Variants in GRID2 observed in about 807,000 individuals in gnomAD.
GRID2 encodes glutamate receptor ionotropic, delta-2.
Under a neutral mutation model 114.8 loss-of-function variants are expected in GRID2, and 33 were observed. The observed-to-expected ratio is 0.29, with a 90% confidence interval of 0.22 to 0.38. The LOEUF is 0.38. Among genes scored for constraint, GRID2 ranks in the 10% least tolerant of loss-of-function variants. The pLI is 1.00. For synonymous variants in GRID2, 505 were observed against 449.9 expected (o/e 1.12, Z -1.55); for missense variants, 1,184 against 1,257.7 (o/e 0.94, Z 0.89).
chr4:93,244,711 G>A (rs911892054), intron 8 of GRID2, among the ~76,000 whole-genome samples: 6 of 149,496 alleles, frequency 4.0e-5, no homozygotes, highest in Admixed American at 1.3e-4. Context: ...AATTTTTAAT[G>A]GACTAAAATC....
At chr4:93,354,671 CGTGTGTGTGTGTGTGTGT>C (rs35452796) in intron 8 of GRID2, among the ~76,000 whole-genome samples, 11 of 130,288 alleles carry the variant, frequency 8.4e-5, no homozygotes, top group Admixed American at 4.0e-4. Context: ...GTGGCTCATC[CGTGTGTGTGTGTGTGTGT>C]GTGTGTGTGT....
chr4:93,284,781 T>C (rs2149133215), intron 8 of GRID2, among the ~76,000 whole-genome samples: 1 of 145,482 alleles, frequency 6.9e-6, no homozygotes, highest in East Asian at 2.0e-4. Context: ...AACAATACAG[T>C]TAGAATAATA....
intron 1 of GRID2, among the ~76,000 whole-genome samples, chr4:92,344,067 A>G (rs1217782407): frequency 6.6e-6 from 1 of 152,196 alleles, no homozygotes; most frequent in African/African-American, 2.4e-5. Flanking sequence ...GAGGTATAAG[A>G]AAATCTGCAT....
At chr4:93,634,657 G>T (rs1485652030) in intron 14 of GRID2, among the ~76,000 whole-genome samples, 1 of 152,098 alleles carries the variant, frequency 6.6e-6, no homozygotes, top group Non-Finnish European at 1.5e-5. Context: ...TCTGAGAAGA[G>T]AAATATCTGT....
intron 8 of GRID2, among the ~76,000 whole-genome samples, chr4:93,282,588 A>G (rs982978002): frequency 1.3e-5 from 2 of 152,040 alleles, no homozygotes; most frequent in Non-Finnish European, 2.9e-5. Flanking sequence ...CAGAGTCTTC[A>G]TGAACTAATT....
intron 8 of GRID2, among the ~76,000 whole-genome samples, chr4:93,335,039 T>C (rs1758899637): frequency 7.3e-6 from 1 of 136,600 alleles, no homozygotes; most frequent in African/African-American, 2.7e-5. Flanking sequence ...ACTAATTTAA[T>C]TGGTGATAGC....
At chr4:93,160,162 G>GA (rs1406059704) in intron 4 of GRID2, among the ~76,000 whole-genome samples, 1 of 151,684 alleles carries the variant, frequency 6.6e-6, no homozygotes, top group Non-Finnish European at 1.5e-5. Flanking sequence ...GATAATTCGT[G>GA]AGTTGTAAAA....
chr4:92,752,349 C>T (rs888234208), intron 2 of GRID2, among the ~76,000 whole-genome samples: 1 of 152,106 alleles, frequency 6.6e-6, no homozygotes, highest in Non-Finnish European at 1.5e-5. Flanking sequence ...ACACAGTAAA[C>T]CAATGAATTT....
At chr4:92,448,278 G>T (rs901954775) in intron 1 of GRID2, among the ~76,000 whole-genome samples, 1 of 151,956 alleles carries the variant, frequency 6.6e-6, no homozygotes, top group Admixed American at 6.6e-5. Flanking sequence ...GGGTTCAAGT[G>T]ATTCTCCTGT....
At chr4:92,678,247 T>C (rs1254816339) in intron 2 of GRID2, among the ~76,000 whole-genome samples, 1 of 152,152 alleles carries the variant, frequency 6.6e-6, no homozygotes, top group African/African-American at 2.4e-5. Flanking sequence ...TTTATCAGCA[T>C]CTCACATACT....
At chr4:92,832,595 T>G (rs769514639) in intron 2 of GRID2, among the ~76,000 whole-genome samples, 1 of 152,064 alleles carries the variant, frequency 6.6e-6, no homozygotes, top group Non-Finnish European at 1.5e-5. Context: ...GGTTTCACCA[T>G]GTTGGCCAGG....
At chr4:93,337,052 T>A (rs1363781467) in intron 8 of GRID2, among the ~76,000 whole-genome samples, 2 of 152,172 alleles carry the variant, frequency 1.3e-5, no homozygotes, top group Admixed American at 6.5e-5. Context: ...TTACTAGTAC[T>A]TTTCATGTAT....
chr4:93,377,943 G>T (rs1043579991), intron 8 of GRID2, among the ~76,000 whole-genome samples: 9 of 152,178 alleles, frequency 5.9e-5, no homozygotes, highest in African/African-American at 2.2e-4. Context: ...CTTGACTTAT[G>T]TCTATATTTT....
chr4:93,344,509 A>C (rs1422440049), intron 8 of GRID2, among the ~76,000 whole-genome samples: 1 of 151,676 alleles, frequency 6.6e-6, no homozygotes, highest in Non-Finnish European at 1.5e-5. Context: ...ATATGTACCT[A>C]TTGTGAAATG....
chr4:93,728,831 T>C lies in GRID2; in HGVS notation c.2361-40379T>C, dbSNP rs572485519. Among the ~76,000 whole-genome samples the C allele has an allele frequency of 8.3e-3, 1,264 of 152,214 alleles. 34 individuals are homozygous for C. The highest frequency in any genetic ancestry group is 0.029 in the African/African-American group (1,218 of 41,512). ...AACCCCTGCCTTTTTTTGTTTTCCA[T>C]TTGCTTGGTAGATCTTCCTCCATCC... On this transcript the variant is annotated intron_variant, in intron 14 of 15. Transcript: ENST00000282020.
chr4:93,012,755 G>A (rs1332880058), intron 2 of GRID2, among the ~76,000 whole-genome samples: 1 of 151,844 alleles, frequency 6.6e-6, no homozygotes, highest in Non-Finnish European at 1.5e-5. Flanking sequence ...TTAAATAGTT[G>A]GGTTCTTTGA....
intron 2 of GRID2, among the ~76,000 whole-genome samples, chr4:93,014,274 C>T (rs913033215): frequency 2.0e-5 from 3 of 151,978 alleles, no homozygotes; most frequent in Non-Finnish European, 4.4e-5. Flanking sequence ...CCTCTAATGC[C>T]ATCATCTTCA....
chr4:93,462,847 A>T (rs964615890), intron 11 of GRID2, among the ~76,000 whole-genome samples: 17 of 152,218 alleles, frequency 1.1e-4, no homozygotes, highest in African/African-American at 3.9e-4. Flanking sequence ...AATATTTCAC[A>T]TTCAATTTGA....
chr4:92,928,959 C>A (rs1451006077), intron 2 of GRID2, among the ~76,000 whole-genome samples: 1 of 151,356 alleles, frequency 6.6e-6, no homozygotes, highest in East Asian at 1.9e-4. Flanking sequence ...ACCTTCCACC[C>A]CACCCCCAAA....
Sources: gnomAD v4.1 joint callset for allele counts (sites outside exome capture counted in the v4.1 genomes callset) on GRCh38, gnomAD v4.1.1 for gene constraint, MANE v1.5 for transcripts, NCBI Gene and HGNC (gene_info 2026-07-23, HGNC 2026-07-21) for gene names.